Variants in AP2B1 observed in about 807,000 individuals in gnomAD.
The protein encoded by AP2B1 is AP-2 complex subunit beta.
AP2B1 carries 23 observed loss-of-function variants against 102.0 expected under a neutral mutation model. The observed-to-expected ratio is 0.23, with a 90% CI of 0.16 to 0.32. The LOEUF (loss-of-function observed/expected upper bound fraction) is 0.32, where lower values mean the gene tolerates loss of function less well. Ranked by LOEUF, AP2B1 falls within the 10% of genes least tolerant of loss-of-function variation. The pLI is 1.00. For missense variants in AP2B1, 541 were observed against 1,157.4 expected (o/e 0.47, Z 7.73); for synonymous variants, 381 against 421.2 (o/e 0.90, Z 1.17).
intron 16 of AP2B1, among the ~76,000 whole-genome samples, chr17:35,673,386 A>G (rs2142967389): frequency 6.6e-6 from 1 of 151,854 alleles, no homozygotes; most frequent in East Asian, 1.9e-4. Context: ...GCGGGGTTTC[A>G]CTATGTTAGC....
At chr17:35,633,445 A>G (rs2074520251) in intron 9 of AP2B1, among the ~76,000 whole-genome samples, 1 of 151,972 alleles carries the variant, frequency 6.6e-6, no homozygotes, top group South Asian at 2.1e-4. Flanking sequence ...CTCAAGGTAC[A>G]GTTTTGTTTT....
intron 17 of AP2B1, among the ~76,000 whole-genome samples, chr17:35,675,905 T>G (rs1046376686): frequency 1.3e-5 from 2 of 152,234 alleles, no homozygotes; most frequent in African/African-American, 4.8e-5. Context: ...GTCTAATGTT[T>G]TTGTACTGTT....
chr17:35,671,017 A>G (rs964170495), intron 15 of AP2B1, 119 bp downstream of exon 15: 20 of 984,134 alleles, frequency 2.0e-5, no homozygotes, highest in Admixed American at 9.9e-5. Flanking sequence ...CAAAACCTCT[A>G]TAACAGTATA....
chr17:35,668,721 AC>A (rs1393461961), intron 14 of AP2B1, among the ~76,000 whole-genome samples: 2 of 152,068 alleles, frequency 1.3e-5, no homozygotes, highest in East Asian at 3.9e-4. Context: ...TGCTTTCTTC[AC>A]CTTTGTTCAT....
intron 4 of AP2B1, 182 bp from the exon 5 acceptor site, chr17:35,607,960 C>T: frequency 2.9e-6 from 2 of 694,918 alleles, no homozygotes; most frequent in Non-Finnish European, 4.7e-6. Flanking sequence ...TTCACCTAAA[C>T]TCTTAAATAG....
chr17:35,602,032 T>G (rs1433412614), intron 3 of AP2B1, among the ~76,000 whole-genome samples: 1 of 152,212 alleles, frequency 6.6e-6, no homozygotes, highest in Non-Finnish European at 1.5e-5. Context: ...CTACAGGGGC[T>G]GTTGTGGTTT....
At chr17:35,680,214 A>T (rs778169486) in intron 17 of AP2B1, among the ~76,000 whole-genome samples, 5 of 151,794 alleles carry the variant, frequency 3.3e-5, no homozygotes, top group Non-Finnish European at 5.9e-5. Context: ...GCCTGTATAA[A>T]CTCTTTAGTT....
rs201529780 is a variant in AP2B1, at chr17:35,704,206, G to A, written c.2455-5018G>A. Among the ~76,000 whole-genome samples, 3 of 152,122 alleles carry A rather than the reference G, an allele frequency of 2.0e-5. No individual in the cohort carries two copies. The East Asian group carries it at 5.8e-4, about 29-fold the overall frequency. On this transcript the variant is annotated intron_variant, in intron 18 of 21. Transcript: ENST00000610402. The stretch of plus-strand genomic sequence containing the variant: ...TTTTTTAACACCCAAAATATGATTG[G>A]CATATCCTTGGAGGACCTAGCATTC...
intron 18 of AP2B1, among the ~76,000 whole-genome samples, chr17:35,702,361 G>A (rs2076255229): frequency 6.6e-6 from 1 of 152,214 alleles, no homozygotes; most frequent in African/African-American, 2.4e-5. Context: ...GATTTCTGGA[G>A]GAAGAGCATT....
intron 18 of AP2B1, among the ~76,000 whole-genome samples, chr17:35,703,021 C>G (rs1216403667): frequency 6.6e-6 from 1 of 152,038 alleles, no homozygotes; most frequent in Non-Finnish European, 1.5e-5. Flanking sequence ...GCCTGTAATC[C>G]CAGCACTTTG....
At chr17:35,645,531 C>T (rs903057164) in intron 12 of AP2B1, among the ~76,000 whole-genome samples, 1 of 152,124 alleles carries the variant, frequency 6.6e-6, no homozygotes, top group Non-Finnish European at 1.5e-5. Context: ...AAATTCAATA[C>T]AATATTCAGT....
intron 14 of AP2B1, among the ~76,000 whole-genome samples, chr17:35,665,572 A>G (rs573717537): frequency 5.9e-5 from 9 of 152,322 alleles, no homozygotes; most frequent in African/African-American, 2.2e-4. Context: ...TAGGATTTTG[A>G]CGATAGTTAA....
In AP2B1 at chr17:35,608,446, C is replaced by T. The variant is rs1482891847; in HGVS notation, c.525+59C>T. 1.1e-5 allele frequency: 18 copies of T among 1,591,562 alleles called. No homozygotes were observed. In the East Asian group the frequency reaches 1.3e-4, roughly 12 times the overall value. ...ATTTAAAATGAGTCCCTTGTTAAAG[C>T]GTGTTTAATATGAACCTTGTCTTTG... On this transcript the variant is annotated intron_variant, in intron 5 of 21. Transcript: ENST00000610402.
Position 35,639,637 on chromosome 17 carries a change from G to A in AP2B1, c.1314G>A (p.Ser438=), listed in dbSNP as rs137934929. The A allele has an allele frequency of 1.8e-4, 284 of 1,613,876 alleles. 2 individuals carry two copies. In the African/African-American group the frequency reaches 1.9e-3, roughly 11 times the overall value. Residue 438 remains serine, a synonymous_variant, in exon 11 of 22, where the codon TCG becomes TCA. Coordinates refer to ENST00000610402, the MANE Select transcript of AP2B1 (RefSeq NM_001030006.2). The stretch of plus-strand genomic sequence containing the variant: ...CCACTCTGTGTGAGAACTTAGACTC[G>A]CTGGATGAGCCAGATGCTCGAGCAG... ...IIATLCENLD[S]LDEPDARAAM...
chr17:35,673,234 G>A (rs565156878), intron 16 of AP2B1, among the ~76,000 whole-genome samples: 90 of 151,836 alleles, frequency 5.9e-4, no homozygotes, highest in African/African-American at 2.1e-3. Context: ...TTTTTTAGAC[G>A]GAGTCTCACT....
intron 18 of AP2B1, among the ~76,000 whole-genome samples, chr17:35,706,239 G>A (rs2076338403): frequency 6.6e-6 from 1 of 151,002 alleles, no homozygotes; most frequent in Non-Finnish European, 1.5e-5. Context: ...GAACAGTTTA[G>A]CACCACTTAC....
intron 5 of AP2B1, among the ~76,000 whole-genome samples, chr17:35,612,773 G>A (rs1844837074): frequency 6.6e-6 from 1 of 152,010 alleles, no homozygotes; most frequent in African/African-American, 2.4e-5. Context: ...ATGGATGAAT[G>A]TATACCAGAG....
intron 12 of AP2B1, among the ~76,000 whole-genome samples, chr17:35,644,484 TCTC>T (rs912853804): frequency 1.8e-4 from 28 of 151,608 alleles, no homozygotes; most frequent in African/African-American, 6.5e-4. Flanking sequence ...TTCAAACAAT[TCTC>T]CTACCTCAGC....
At position 35,725,854 on chromosome 17, in the gene AP2B1, C is replaced by T. The variant is rs181591276; in HGVS notation, c.*2155C>T. ...CCTCAACCCCCGAAACAAGGCTTCT[C>T]TCAGCCTCCCCACCAGTGATGGATA... is the stretch of plus-strand genomic sequence containing the variant. On this transcript the variant is annotated 3_prime_UTR_variant, in exon 22 of 22. Coordinates refer to ENST00000610402, the MANE Select transcript of AP2B1 (RefSeq NM_001030006.2). The T allele has an allele frequency of 1.3e-5, 2 of 152,530 alleles. No homozygotes were observed. The highest frequency in any genetic ancestry group is 3.9e-4 in the East Asian group (2 of 5,188). 9.4% of individuals were successfully genotyped at this position (152,530 alleles called of 1,614,324 possible).
Sources: allele counts gnomAD v4.1 joint callset (sites outside exome capture counted in the v4.1 genomes callset), GRCh38; gene constraint gnomAD v4.1.1; transcripts MANE v1.5; gene names NCBI Gene and HGNC (gene_info 2026-07-23, HGNC 2026-07-21).